Variants in COL5A3 observed in about 807,000 individuals in gnomAD.
The protein encoded by COL5A3 is collagen alpha-3(V) chain.
A neutral mutation model predicts 250.0 loss-of-function variants in COL5A3; 172 were observed. The observed-to-expected ratio is 0.69, with a 90% CI of 0.61 to 0.78. The LOEUF (loss-of-function observed/expected upper bound fraction) is 0.78. COL5A3 is among the 30% of genes least tolerant of loss of function. COL5A3 has a pLI of 0.00. For synonymous variants in COL5A3, 937 were observed against 900.4 expected (o/e 1.04, Z -0.73); for missense variants, 2,340 against 2,334.4 (o/e 1.00, Z -0.05).
rs755024318 is a variant in COL5A3, at chr19:9,968,723, G to A, written c.4158C>T (p.Pro1386=). The A allele has an allele frequency of 2.5e-6, 4 of 1,606,414 alleles. No homozygotes were observed. The highest frequency in any genetic ancestry group is 2.2e-5 in the East Asian group (1 of 44,692). The change falls in exon 58 of 67, where the codon CCC becomes CCT. Residue 1386 remains proline, a synonymous_variant. Transcript: ENST00000264828. This position sits in a 1 kb window ranked among gnomAD's most constrained non-coding sequence, Gnocchi z 4.1. ...GQMGPPGPLG[P]SGLPGLKGDT... is the part of the protein sequence containing the mutation. ...CTCCCTTCAGCCCTGGGAGGCCAGA[G>A]GGCCCCTGGGAGAAGAGCAAGGGTC... is the stretch of plus-strand genomic sequence containing the variant.
At position 10,010,474 on chromosome 19, in the gene COL5A3, C is replaced by A. The variant is rs2087515100; in HGVS notation, c.-89G>T. The A allele has an allele frequency of 5.8e-6, 5 of 856,912 alleles. No homozygotes were observed. Among genetic ancestry groups the A allele is most frequent in the Non-Finnish European group, 8.0e-6 (5 of 622,818 alleles). 53.1% of individuals were successfully genotyped at this position (856,912 alleles called of 1,614,324 possible). A position where few individuals can be genotyped will look rare whatever the true frequency, so the allele number is the denominator to read the frequency against. On this transcript the variant is annotated 5_prime_UTR_variant, in exon 1 of 67. Transcript: ENST00000264828. ...TCGGGCTCGGTGCAGTCACTCGCGG[C>A]GGCCGCTCCTCTCAGGGTCCGCGGG...
intron 41 of COL5A3, 105 bp from the exon 42 acceptor site, chr19:9,977,806 T>C: frequency 1.1e-6 from 1 of 876,896 alleles, no homozygotes; most frequent in Non-Finnish European, 1.6e-6. Flanking sequence ...CAGGATTGTA[T>C]CTAACCTGTT....
intron 65 of COL5A3, among the ~76,000 whole-genome samples, chr19:9,961,216 G>T (rs1040511084): frequency 1.3e-5 from 2 of 152,088 alleles, no homozygotes; most frequent in African/African-American, 4.8e-5. Context: ...CTTGTGAGTC[G>T]CTGGATCTAC....
chr19:10,005,400 G>C (rs11085529), intron 4 of COL5A3, among the ~76,000 whole-genome samples, 158 bp downstream of exon 4: 147,095 of 152,180 alleles, frequency 0.97, 71,241 homozygotes, highest in African/African-American at 0.99. Flanking sequence ...CACAATCACA[G>C]GCTGCAACGG....
In COL5A3 at chr19:10,009,772, C is replaced by A. The variant is rs564647867; in HGVS notation, c.88+526G>T. 3.3e-5 allele frequency among the ~76,000 whole-genome samples: 5 copies of A among 152,240 alleles called. No individual in the cohort carries two copies. The East Asian group carries it at 9.6e-4, about 29-fold the overall frequency. On this transcript the variant is annotated intron_variant, in intron 1 of 66. Coordinates refer to ENST00000264828, the MANE Select transcript of COL5A3 (RefSeq NM_015719.4). The surrounding 1 kb of genome is among the most constrained non-coding windows in gnomAD (Gnocchi z 4.4). The stretch of plus-strand genomic sequence containing the variant: ...AATACTTGTCCCCACCCACCTTCAT[C>A]CTCATGGGCAATTATTTGCACCCAA...
chr19:9,991,585 C>T lies in COL5A3; in HGVS notation c.1992+25G>A, dbSNP rs201903829. 91 of 1,563,070 alleles carry T rather than the reference C, an allele frequency of 5.8e-5. No homozygotes were observed. The East Asian group carries it at 1.0e-3, about 17-fold the overall frequency. ...TTGAAGGAAGAAGACTTGAGGAGGT[C>T]GCGGTAGGTGGAGCTGTCACTCACC... On this transcript the variant is annotated intron_variant, in intron 24 of 66. Coordinates refer to ENST00000264828, the MANE Select transcript of COL5A3 (RefSeq NM_015719.4).
chr19:9,960,441 A>G lies in COL5A3; in HGVS notation c.5208T>C (p.Phe1736=), dbSNP rs773970962. 3.1e-6 allele frequency: 5 copies of G among 1,614,176 alleles called. No homozygotes were observed. The East Asian group carries it at 8.9e-5, about 29-fold the overall frequency. Residue 1736 remains phenylalanine, a synonymous_variant, in exon 67 of 67, where the codon TTT becomes TTC. Coordinates refer to ENST00000264828, the MANE Select transcript of COL5A3 (RefSeq NM_015719.4). Reference sequence around the variant, plus strand: ...TGCTGAAGCAGACGGGGCCCAGTTCAAACCCAAACTTTTGGTTCGTCTGGC... The same window carrying G: ...TGCTGAAGCAGACGGGGCCCAGTTCGAACCCAAACTTTTGGTTCGTCTGGC... ...DFGQTNQKFG[F]ELGPVCFSS is the part of the protein sequence containing the mutation.
chr19:9,967,217 A>C, intron 62 of COL5A3, 130 bp downstream of exon 62: 1 of 646,624 alleles, frequency 1.5e-6, no homozygotes, highest in Non-Finnish European at 2.5e-6. Flanking sequence ...CTTCACCTAC[A>C]TCCTCTGAAC....
At chr19:10,007,935 CT>C (rs1005729888) in intron 1 of COL5A3, among the ~76,000 whole-genome samples, 1 of 151,722 alleles carries the variant, frequency 6.6e-6, no homozygotes, top group African/African-American at 2.4e-5. Flanking sequence ...CTCTCTCTCT[CT>C]TTCTCTCATT....
At chr19:9,974,479 C>T in intron 45 of COL5A3, 71 bp from the exon 46 acceptor site, 1 of 1,186,892 alleles carries the variant, frequency 8.4e-7, no homozygotes, top group Admixed American at 2.6e-5. Flanking sequence ...GCTCAAGGGT[C>T]AAGACTGAGG....
Position 10,009,161 on chromosome 19 carries a change from GGTGTGTGTGTGTGTGTGTGTGT to G in COL5A3, c.88+1115_88+1136del. Among the ~76,000 whole-genome samples the G allele has an allele frequency of 7.1e-6, 1 of 140,434 alleles. No individual in the cohort carries two copies. Among genetic ancestry groups the G allele is most frequent in the Admixed American group, 7.1e-5 (1 of 14,060 alleles). 92.1% of individuals were successfully genotyped at this position (140,434 alleles called of 152,430 possible). A position where few individuals can be genotyped will look rare whatever the true frequency, so the allele number is the denominator to read the frequency against. On this transcript the variant is annotated intron_variant, in intron 1 of 66. Coordinates refer to ENST00000264828, the MANE Select transcript of COL5A3 (RefSeq NM_015719.4). The surrounding 1 kb of genome is among the most constrained non-coding windows in gnomAD (Gnocchi z 4.4). ...GACTCCAAAGTAAGAAGTGTGCTGT[GGTGTGTGTGTGTGTGTGTGTGT>G]GTGTGTGTGTGTGTGTGTGTGTTGG...
chr19:9,967,762 C>T (rs1016033816), intron 61 of COL5A3, 142 bp downstream of exon 61: 6 of 785,654 alleles, frequency 7.6e-6, no homozygotes, highest in African/African-American at 1.8e-5. Context: ...GAAATACAAC[C>T]GTAGGTGTTG....
In COL5A3 at chr19:9,995,582, A is replaced by AG; in HGVS notation, c.1568dup (p.Gly524TrpfsTer24). ...CACTCACCATCTTGCCCACTCGGCCAGGGGGTCCATGAGGTCCCTGCAGGC... is the reference window on the plus strand; with the variant it reads ...CACTCACCATCTTGCCCACTCGGCCAGGGGGGTCCATGAGGTCCCTGCAGGC... On this transcript the variant is annotated frameshift_variant, in exon 16 of 67. Coordinates refer to ENST00000264828, the MANE Select transcript of COL5A3 (RefSeq NM_015719.4). LOFTEE classifies it high-confidence loss of function. 1.9e-6 allele frequency: 3 copies of AG among 1,608,940 alleles called. No homozygotes were observed. The highest frequency in any genetic ancestry group is 2.5e-6 in the Non-Finnish European group (3 of 1,177,098).
chr19:9,975,829 G>A (rs1254054830), intron 45 of COL5A3, among the ~76,000 whole-genome samples: 3 of 151,686 alleles, frequency 2.0e-5, no homozygotes, highest in Non-Finnish European at 4.4e-5. Flanking sequence ...TGGTTGGATT[G>A]GGATTGAGAC....
chr19:10,005,591 C>T lies in COL5A3; in HGVS notation c.561G>A (p.Leu187=). 2.5e-6 allele frequency: 4 copies of T among 1,614,216 alleles called. No homozygotes were observed. The highest frequency in any genetic ancestry group is 3.4e-6 in the Non-Finnish European group (4 of 1,180,032). The change falls in exon 4 of 67, where the codon CTG becomes CTA. Residue 187 remains leucine, a synonymous_variant. Transcript: ENST00000264828. Reference sequence around the variant, plus strand: ...TCTTTTCCCCAAGGTCCTGGGTCCCCAGCACAGTGAGTCCAGCTATGCTGA... The same window carrying T: ...TCTTTTCCCCAAGGTCCTGGGTCCCTAGCACAGTGAGTCCAGCTATGCTGA... ...RFISIAGLTV[L]GTQDLGEKTF...
chr19:9,986,768 A>T lies in COL5A3; in HGVS notation c.2146-10T>A, dbSNP rs763526654. The T allele has an allele frequency of 9.2e-5, 64 of 694,604 alleles. No individual in the cohort carries two copies. The highest frequency in any genetic ancestry group is 9.4e-5 in the East Asian group (2 of 21,346). The allele number at this position is 694,604 out of a possible 1,614,324, so 43.0% of individuals were successfully genotyped here. On this transcript the variant is annotated splice_polypyrimidine_tract_variant and intron_variant, in intron 27 of 66. Coordinates refer to ENST00000264828, the MANE Select transcript of COL5A3 (RefSeq NM_015719.4). Reference sequence around the variant, plus strand: ...GGTTGCCTGAAGTGCCCTGGAAAATAAAAAAAAAAAGCTCTCAAGCCTCTT... The same window carrying T: ...GGTTGCCTGAAGTGCCCTGGAAAATTAAAAAAAAAAGCTCTCAAGCCTCTT...
At chr19:9,988,853 A>AGAGAGAGAGAG (rs59188408) in intron 27 of COL5A3, among the ~76,000 whole-genome samples, 37 of 134,818 alleles carry the variant, frequency 2.7e-4, no homozygotes, top group African/African-American at 8.7e-4. Flanking sequence ...AAAAAAAAAA[A>AGAGAGAGAGAG]AAAAAGAAAG....
rs556911692 is a variant in COL5A3, at chr19:10,005,859, G to A, written c.374C>T (p.Ala125Val). The change falls in exon 3 of 67, where the codon GCG becomes GTG. Residue 125 changes from alanine (A) to valine (V), a missense_variant. Transcript: ENST00000264828. ...ARQLGLALGPALGLLGDPFRP... is the reference protein window; with the variant it reads ...ARQLGLALGPVLGLLGDPFRP... ...GAAGGGGTCACCTAGGAGACCCAGC[G>A]CTGGCCCCAGTGCCAGGCCCAACTG... 1.8e-4 allele frequency: 289 copies of A among 1,613,686 alleles called. 2 individuals are homozygous for A. In the South Asian group the frequency reaches 2.5e-3, roughly 14 times the overall value.
chr19:10,000,285 G>A (rs929024774), intron 8 of COL5A3, among the ~76,000 whole-genome samples: 2 of 151,872 alleles, frequency 1.3e-5, no homozygotes, highest in South Asian at 4.2e-4. Flanking sequence ...CATCGAATGC[G>A]TATCCATCTT....
Sources: gnomAD v4.1 joint callset for allele counts (sites outside exome capture counted in the v4.1 genomes callset) on GRCh38, gnomAD v4.1.1 for gene constraint, Gnocchi (gnomAD v3.1) non-coding constraint, MANE v1.5 for transcripts, NCBI Gene and HGNC (gene_info 2026-07-23, HGNC 2026-07-21) for gene names.